ZNF718: variants seen among roughly 807,000 people sequenced by gnomAD.
The protein encoded by ZNF718 is zinc finger protein 718.
A neutral mutation model predicts 2.6 loss-of-function variants in ZNF718; 3 were observed. That is an observed-to-expected ratio of 1.16 (90% CI 0.53 to 3.01). ZNF718 has a LOEUF of 3.01. ZNF718 is among the 30% of genes most tolerant of loss of function. The probability of loss-of-function intolerance (pLI) is 0.03; values close to 1 mark genes in which losing one functional copy is unlikely to be tolerated. For missense variants in ZNF718, 468 were observed against 230.0 expected (o/e 2.03, Z -6.69); for synonymous variants, 135 against 77.9 (o/e 1.73, Z -3.86).
chr4:135,188 G>T (rs1715503674), intron 3 of ZNF718, among the ~76,000 whole-genome samples: 1 of 150,544 alleles, frequency 6.6e-6, no homozygotes, highest in Non-Finnish European at 1.5e-5. Flanking sequence ...ATTACAGTGA[G>T]CTGAGATTGC....
At chr4:152,182 G>C (rs1367920402) in intron 3 of ZNF718, among the ~76,000 whole-genome samples, 2 of 146,164 alleles carry the variant, frequency 1.4e-5, no homozygotes, top group Non-Finnish European at 3.0e-5. Flanking sequence ...GTTTTATACC[G>C]AGACATTCCA....
At chr4:159,250 A>G (rs1447858042) in intron 3 of ZNF718, among the ~76,000 whole-genome samples, 1 of 151,716 alleles carries the variant, frequency 6.6e-6, no homozygotes, top group African/African-American at 2.4e-5. Flanking sequence ...GTTGGCAAGG[A>G]TGGTCTCGAA....
rs1240999962 is a variant in ZNF718 at position 162,011 on chromosome 4, G to C, written c.1326G>C (p.Lys442Asn). ...AGTCCTCACACTTGAATAAACATAA[G>C]AAAATTCACACTGTAGATAAACCCT... Reference protein sequence around the residue: ...FKQSSHLNKHKKIHTVDKPYK... With the variant: ...FKQSSHLNKHNKIHTVDKPYK... Residue 442 changes from lysine to asparagine, a missense_variant, in exon 4 of 4, where the codon AAG (lysine) becomes AAC (asparagine). By Grantham distance (94) the Lys-to-Asn change is moderately conservative. Coordinates refer to ENST00000510175, the MANE Select transcript of ZNF718 (RefSeq NM_001039127.6). 1.3e-6 allele frequency: 1 copy of C among 778,850 alleles called. No individual in the cohort carries two copies. The highest frequency in any genetic ancestry group is 1.7e-5 in the Admixed American group (1 of 58,642). The allele number at this position is 778,850 out of a possible 1,614,324, so 48.2% of individuals were successfully genotyped here.
chr4:149,135 A>T (rs1716202657), intron 3 of ZNF718, among the ~76,000 whole-genome samples: 1 of 152,154 alleles, frequency 6.6e-6, no homozygotes, highest in Non-Finnish European at 1.5e-5. Context: ...CTCCCCTTGT[A>T]TGTTTCACTT....
At chr4:151,126 G>T (rs1158483479) in intron 3 of ZNF718, among the ~76,000 whole-genome samples, 1 of 151,702 alleles carries the variant, frequency 6.6e-6, no homozygotes, top group East Asian at 1.9e-4. Flanking sequence ...TTTTTGAGAT[G>T]GAGTCTTACT....
chr4:140,632 T>C (rs1241975462), intron 3 of ZNF718, among the ~76,000 whole-genome samples: 1 of 152,214 alleles, frequency 6.6e-6, no homozygotes, highest in African/African-American at 2.4e-5. Context: ...ACAGCCTTCA[T>C]TGGATTATCT....
intron 3 of ZNF718, among the ~76,000 whole-genome samples, chr4:154,559 G>T (rs1402141142): frequency 1.3e-5 from 2 of 152,212 alleles, no homozygotes; most frequent in African/African-American, 2.4e-5. Context: ...TTAGCAGAAA[G>T]ACTGGTGGCA....
intron 3 of ZNF718, among the ~76,000 whole-genome samples, chr4:171,150 G>A (rs1717216998): frequency 6.6e-6 from 1 of 152,172 alleles, no homozygotes; most frequent in Non-Finnish European, 1.5e-5. Flanking sequence ...AGCAGAAGCT[G>A]CAGAACAGCG....
chr4:138,899 C>T (rs1715690531), intron 3 of ZNF718, among the ~76,000 whole-genome samples: 1 of 152,156 alleles, frequency 6.6e-6, no homozygotes, highest in South Asian at 2.1e-4. Flanking sequence ...TAATGTTGAG[C>T]ACCCTGTCAT....
rs141548789 is a variant in ZNF718, at chr4:181,811, A to G, written c.227-19270A>G. Among the ~76,000 whole-genome samples the G allele has an allele frequency of 2.6e-5, 4 of 152,018 alleles. No individual in the cohort carries two copies. In the East Asian group the frequency reaches 7.7e-4, roughly 29 times the overall value. The stretch of plus-strand genomic sequence containing the variant: ...TGCTAGCTATTCTTCCTGATCCTCT[A>G]CTTCCTCTCACCTTCCATACTCAGG... On this transcript the variant is annotated intron_variant and NMD_transcript_variant, in intron 3 of 4. Coordinates refer to the ZNF718 transcript ENST00000642529.
chr4:155,167 G>GT (rs1439864274), intron 3 of ZNF718, among the ~76,000 whole-genome samples: 1 of 151,482 alleles, frequency 6.6e-6, no homozygotes, highest in African/African-American at 2.5e-5. Flanking sequence ...TGACTGTCAA[G>GT]TTTGCTGCAG....
intron 3 of ZNF718, among the ~76,000 whole-genome samples, chr4:198,533 A>G (rs1717837986): frequency 6.6e-6 from 1 of 152,188 alleles, no homozygotes; most frequent in South Asian, 2.1e-4. Flanking sequence ...CAGGGCACCT[A>G]TGAATCTGAA....
rs1553815078 is a variant in ZNF718, at chr4:161,374, A to T, written c.689A>T (p.Glu230Val). ...GCCAGAGAGAAATTCTACAAGTGTG[A>T]AGAATGTGGTAAAGGCTTTACTCGG... is the stretch of plus-strand genomic sequence containing the variant. ...IHAREKFYKC[E>V]ECGKGFTRSS... Residue 230 changes from glutamate (E) to valine (V), a missense_variant, in exon 4 of 4, where the codon GAA becomes GTA. Glu to Val is a moderately radical substitution (Grantham distance 121). Transcript: ENST00000510175. 1.3e-6 allele frequency: 1 copy of T among 779,152 alleles called. No individual in the cohort carries two copies. The highest frequency in any genetic ancestry group is 1.7e-5 in the African/African-American group (1 of 59,034). The allele number at this position is 779,152 out of a possible 1,614,324, so 48.3% of individuals were successfully genotyped here. A position where few individuals can be genotyped will look rare whatever the true frequency, so the allele number is the denominator to read the frequency against.
chr4:184,186 ATACT>A (rs1239368907), intron 3 of ZNF718, among the ~76,000 whole-genome samples: 1 of 152,048 alleles, frequency 6.6e-6, no homozygotes, highest in Non-Finnish European at 1.5e-5. Context: ...CATTCCTTCA[ATACT>A]TAGTTTATTG....
Position 181,158 on chromosome 4 carries a change from C to CTTT in ZNF718, c.227-19898_227-19896dup, listed in dbSNP as rs782164295. On this transcript the variant is annotated intron_variant and NMD_transcript_variant, in intron 3 of 4. Coordinates refer to the ZNF718 transcript ENST00000642529. ...TACAGGCCTGTGCCCCAGTGCCCAG[C>CTTT]TTTTTTTTTTTTTTTTTTTTTTTTT... Among the ~76,000 whole-genome samples the CTTT allele has an allele frequency of 4.8e-3, 247 of 51,090 alleles. 44 individuals are homozygous for CTTT. The highest frequency in any genetic ancestry group is 5.5e-3 in the Non-Finnish European group (147 of 26,844). The allele number at this position is 51,090 out of a possible 152,430, so 33.5% of individuals were successfully genotyped here. A position where few individuals can be genotyped will look rare whatever the true frequency, so the allele number is the denominator to read the frequency against.
intron 3 of ZNF718, among the ~76,000 whole-genome samples, chr4:143,124 T>C (rs1330436335): frequency 1.3e-5 from 2 of 152,144 alleles, no homozygotes; most frequent in African/African-American, 4.8e-5. Context: ...TGATGGTAAC[T>C]GAGAGTGGCT....
At chr4:146,782 T>TTA (rs1336289054) in intron 3 of ZNF718, among the ~76,000 whole-genome samples, 4 of 151,706 alleles carry the variant, frequency 2.6e-5, no homozygotes, top group Non-Finnish European at 5.9e-5. Context: ...TGTTTTTTTT[T>TTA]TATATAGCTG....
chr4:163,828 G>C lies in ZNF718; in HGVS notation c.*1706G>C. ...AACAGCAAATAAGTTGAAGAATATT[G>C]TTCTCATGTTAAATTTTTATTATTT... On this transcript the variant is annotated 3_prime_UTR_variant, in exon 4 of 4. Transcript: ENST00000510175. 6.6e-6 allele frequency: 1 copy of C among 151,876 alleles called. No individual in the cohort carries two copies. The highest frequency in any genetic ancestry group is 6.6e-5 in the Admixed American group (1 of 15,264). The allele number at this position is 151,876 out of a possible 1,614,324, so 9.4% of individuals were successfully genotyped here.
intron 3 of ZNF718, among the ~76,000 whole-genome samples, chr4:144,687 A>G (rs1715970409): frequency 6.6e-6 from 1 of 151,972 alleles, no homozygotes; most frequent in Non-Finnish European, 1.5e-5. Context: ...TCTTGCATCG[A>G]TGTTTTATAG....
Sources: gnomAD v4.1 joint callset for allele counts (sites outside exome capture counted in the v4.1 genomes callset) on GRCh38, gnomAD v4.1.1 for gene constraint, MANE v1.5 for transcripts, NCBI Gene and HGNC (gene_info 2026-07-23, HGNC 2026-07-21) for gene names.